SPOPL: variants seen among roughly 807,000 people sequenced by gnomAD.
The protein encoded by SPOPL is speckle type BTB/POZ protein like.
Under a neutral mutation model 53.8 loss-of-function variants are expected in SPOPL, and 23 were observed. That is an observed-to-expected ratio of 0.43 (90% CI 0.31 to 0.61). The LOEUF is 0.61. Among genes scored for constraint, SPOPL ranks in the 20% least tolerant of loss-of-function variants. The pLI is 0.12. For missense variants in SPOPL, 442 were observed against 466.9 expected (o/e 0.95, Z 0.49); for synonymous variants, 164 against 149.7 (o/e 1.10, Z -0.70).
At chr2:138,521,917 C>A (rs1684567035) in intron 1 of SPOPL, among the ~76,000 whole-genome samples, 1 of 152,034 alleles carries the variant, frequency 6.6e-6, no homozygotes, top group Admixed American at 6.6e-5. Flanking sequence ...AAATGAACAC[C>A]TGGGGGAATG....
At chr2:138,514,095 C>T (rs577834482) in intron 1 of SPOPL, among the ~76,000 whole-genome samples, 1 of 152,158 alleles carries the variant, frequency 6.6e-6, no homozygotes, top group East Asian at 1.9e-4. Flanking sequence ...TCCATAAACC[C>T]CGAATATCTG....
At chr2:138,539,092 T>C (rs974387391) in intron 1 of SPOPL, among the ~76,000 whole-genome samples, 1 of 152,248 alleles carries the variant, frequency 6.6e-6, no homozygotes, top group African/African-American at 2.4e-5. Flanking sequence ...TCATTTCTTA[T>C]GGCTGCATAG....
At chr2:138,527,106 C>T (rs1183361642) in intron 1 of SPOPL, among the ~76,000 whole-genome samples, 2 of 152,094 alleles carry the variant, frequency 1.3e-5, no homozygotes, top group African/African-American at 2.4e-5. Context: ...AGATTTTAGT[C>T]TGACTTGTTC....
intron 1 of SPOPL, among the ~76,000 whole-genome samples, chr2:138,547,475 A>C (rs1424452849): frequency 1.3e-5 from 2 of 152,036 alleles, no homozygotes; most frequent in African/African-American, 4.8e-5. Context: ...ATAAAAGCTT[A>C]AAGATTCAGG....
chr2:138,561,648 A>G (rs1324637818), intron 8 of SPOPL, among the ~76,000 whole-genome samples: 5 of 152,330 alleles, frequency 3.3e-5, no homozygotes, highest in African/African-American at 4.8e-5. Flanking sequence ...ACATGAATCT[A>G]TGACTGTCTC....
At chr2:138,504,454 A>G (rs1303559366) in intron 1 of SPOPL, among the ~76,000 whole-genome samples, 1 of 152,228 alleles carries the variant, frequency 6.6e-6, no homozygotes, top group Non-Finnish European at 1.5e-5. Context: ...TAACTCCCCT[A>G]GAATCAGACT....
chr2:138,531,680 T>G (rs1684812781), intron 1 of SPOPL, among the ~76,000 whole-genome samples: 1 of 152,160 alleles, frequency 6.6e-6, no homozygotes, highest in Non-Finnish European at 1.5e-5. Context: ...TTTTGCTGTT[T>G]AGTCTATTCA....
In SPOPL at chr2:138,526,409, C is replaced by T. The variant is rs1050577114; in HGVS notation, c.-60-23748C>T. On this transcript the variant is annotated intron_variant, in intron 1 of 10. Transcript: ENST00000280098. Reference sequence around the variant, plus strand: ...GCTGTGGTCTTTAAAATGAGACATTCGTGTAAAAGGCACACAAAATAATTT... The same window carrying T: ...GCTGTGGTCTTTAAAATGAGACATTTGTGTAAAAGGCACACAAAATAATTT... Among the ~76,000 whole-genome samples, 13 of 152,074 alleles carry T rather than the reference C, an allele frequency of 8.5e-5. No individual in the cohort carries two copies. In the East Asian group the frequency reaches 1.4e-3, roughly 16 times the overall value.
intron 1 of SPOPL, among the ~76,000 whole-genome samples, chr2:138,546,355 A>G (rs1352746537): frequency 2.0e-5 from 3 of 152,168 alleles, no homozygotes; most frequent in African/African-American, 4.8e-5. Flanking sequence ...TCTTAGTTTC[A>G]TTGTACCCTC....
intron 10 of SPOPL, among the ~76,000 whole-genome samples, chr2:138,567,542 T>C (rs1685690741): frequency 6.6e-6 from 1 of 152,010 alleles, no homozygotes; most frequent in Non-Finnish European, 1.5e-5. Flanking sequence ...TTCAGAGTAG[T>C]AGGTGTCCAG....
chr2:138,540,542 C>G (rs1251546274), intron 1 of SPOPL, among the ~76,000 whole-genome samples: 1 of 150,008 alleles, frequency 6.7e-6, no homozygotes, highest in Non-Finnish European at 1.5e-5. Context: ...ATTTGGTTCT[C>G]TGTCTGTTAT....
At chr2:138,547,503 T>G (rs1273713209) in intron 1 of SPOPL, among the ~76,000 whole-genome samples, 1 of 152,098 alleles carries the variant, frequency 6.6e-6, no homozygotes. Context: ...TTTCTTTGAT[T>G]TCTTTCAATT....
chr2:138,539,248 C>T (rs1440930981), intron 1 of SPOPL, among the ~76,000 whole-genome samples: 1 of 152,188 alleles, frequency 6.6e-6, no homozygotes, highest in East Asian at 1.9e-4. Context: ...GATTTATAAT[C>T]CTTTGGGTAT....
At chr2:138,504,849 T>C (rs952261227) in intron 1 of SPOPL, among the ~76,000 whole-genome samples, 2 of 152,238 alleles carry the variant, frequency 1.3e-5, no homozygotes, top group Non-Finnish European at 2.9e-5. Flanking sequence ...CTCTGCTTTT[T>C]TGTAATTTTA....
At chr2:138,529,541 T>C (rs7604832) in intron 1 of SPOPL, among the ~76,000 whole-genome samples, 148,518 of 151,208 alleles carry the variant, frequency 0.98, 72,927 homozygotes, top group East Asian at 1. Context: ...TGTGTTTGCG[T>C]GCGCGCGCGC....
chr2:138,531,739 ATT>A (rs1385768600), intron 1 of SPOPL, among the ~76,000 whole-genome samples: 1 of 151,620 alleles, frequency 6.6e-6, no homozygotes, highest in Non-Finnish European at 1.5e-5. Context: ...TAGAATTTCC[ATT>A]TGATTCTTTT....
intron 1 of SPOPL, among the ~76,000 whole-genome samples, chr2:138,545,538 A>C (rs1207624802): frequency 1.3e-5 from 2 of 151,438 alleles, no homozygotes; most frequent in Non-Finnish European, 2.9e-5. Context: ...GGTTCACGCC[A>C]TTCTCCTGCC....
At chr2:138,551,617 T>C (rs752351356) in intron 4 of SPOPL, among the ~76,000 whole-genome samples, 9 of 152,002 alleles carry the variant, frequency 5.9e-5, no homozygotes, top group Non-Finnish European at 1.0e-4. Context: ...AAATGTACGT[T>C]GTGTGTGGCA....
Position 138,559,340 on chromosome 2 carries a change from A to AC in SPOPL, c.714+3_714+4insC. ...ATGAAATGGAAGAAAGCAAAAAGGTAAACATGGCTTAAAGGCTAATATTGA... is the reference window on the plus strand; with the variant it reads ...ATGAAATGGAAGAAAGCAAAAAGGTACAACATGGCTTAAAGGCTAATATTGA... On this transcript the variant is annotated splice_donor_region_variant and intron_variant, in intron 7 of 10. Coordinates refer to ENST00000280098, the MANE Select transcript of SPOPL (RefSeq NM_001001664.3). 1 of 1,608,982 alleles carries AC rather than the reference A, an allele frequency of 6.2e-7. No homozygotes were observed. The highest frequency in any genetic ancestry group is 8.5e-7 in the Non-Finnish European group (1 of 1,177,904).
Sources: gnomAD v4.1 joint callset for allele counts (sites outside exome capture counted in the v4.1 genomes callset) on GRCh38, gnomAD v4.1.1 for gene constraint, MANE v1.5 for transcripts, NCBI Gene and HGNC (gene_info 2026-07-23, HGNC 2026-07-21) for gene names.